Variants in BRINP2 observed in about 807,000 individuals in gnomAD.
BRINP2 encodes BMP/retinoic acid inducible neural specific 2.
Under a neutral mutation model 69.2 loss-of-function variants are expected in BRINP2, and 21 were observed. That is an observed-to-expected ratio of 0.30 (90% confidence interval 0.22 to 0.44). BRINP2 has a LOEUF of 0.44. BRINP2 is among the 20% of genes least tolerant of loss of function. The probability of loss-of-function intolerance (pLI) is 1.00; values close to 1 mark genes in which losing one functional copy is unlikely to be tolerated. For synonymous variants in BRINP2, 380 were observed against 394.1 expected (o/e 0.96, Z 0.42); for missense variants, 877 against 986.0 (o/e 0.89, Z 1.48).
rs1201165010 is a variant in BRINP2 at position 177,171,141 on chromosome 1, C to G, written c.-668C>G. Among the ~76,000 whole-genome samples, 1 of 152,226 alleles carries G rather than the reference C, an allele frequency of 6.6e-6. No individual in the cohort carries two copies. The highest frequency in any genetic ancestry group is 1.5e-5 in the Non-Finnish European group (1 of 68,036). On this transcript the variant is annotated 5_prime_UTR_variant, in exon 1 of 8. Coordinates refer to ENST00000361539, the MANE Select transcript of BRINP2 (RefSeq NM_021165.4). ...GGGGATGTGCACCTGCCGTGCGCTC[C>G]GAGGTCAGTGGCAGGTCTGCAGGCA...
intron 2 of BRINP2, among the ~76,000 whole-genome samples, chr1:177,231,970 T>G (rs2102326719): frequency 6.6e-6 from 1 of 152,266 alleles, no homozygotes; most frequent in South Asian, 2.1e-4. Context: ...TATTAAAGAA[T>G]TTTTTTCAAT....
chr1:177,256,165 TA>T, intron 3 of BRINP2, 56 bp downstream of exon 3: 1 of 1,579,140 alleles, frequency 6.3e-7, no homozygotes, highest in Non-Finnish European at 8.7e-7. Flanking sequence ...GAAATAACGT[TA>T]AGACTCGTGT....
At chr1:177,201,280 G>A (rs1194211319) in intron 1 of BRINP2, among the ~76,000 whole-genome samples, 1 of 152,218 alleles carries the variant, frequency 6.6e-6, no homozygotes, top group Non-Finnish European at 1.5e-5. Flanking sequence ...GCACAGCTAT[G>A]CCTTTAGTTT....
At chr1:177,280,153 T>C (rs1320783015) in intron 7 of BRINP2, among the ~76,000 whole-genome samples, 1 of 152,192 alleles carries the variant, frequency 6.6e-6, no homozygotes, top group African/African-American at 2.4e-5. Flanking sequence ...AAGTAGGACT[T>C]GGGAGAGATG....
In BRINP2 at chr1:177,280,493, G is replaced by T; in HGVS notation, c.1317G>T (p.Gln439His). The change falls in exon 8 of 8, where the codon CAG (glutamine) becomes CAT (histidine). Residue 439 changes from glutamine to histidine, a missense_variant. Gln to His is a conservative substitution (Grantham distance 24, BLOSUM62 0). Coordinates refer to ENST00000361539, the MANE Select transcript of BRINP2 (RefSeq NM_021165.4). ...CCTTTCCTGGCACTTTCCTGGAACA[G>T]AGCCACAGCTGCACCTGCCCCTATG... ...ESTFPGTFLEQSHSCTCPYDQ... is the reference protein window; with the variant it reads ...ESTFPGTFLEHSHSCTCPYDQ... 6.2e-7 allele frequency: 1 copy of T among 1,614,206 alleles called. No homozygotes were observed. Among genetic ancestry groups the T allele is most frequent in the South Asian group, 1.1e-5 (1 of 91,090 alleles).
chr1:177,218,847 T>C (rs532328619), intron 1 of BRINP2, among the ~76,000 whole-genome samples: 1 of 152,280 alleles, frequency 6.6e-6, no homozygotes, highest in Non-Finnish European at 1.5e-5. Flanking sequence ...TTCACCAAGG[T>C]GTTTTTGACT....
intron 2 of BRINP2, among the ~76,000 whole-genome samples, chr1:177,233,617 C>T (rs189564749): frequency 9.9e-5 from 15 of 152,280 alleles, no homozygotes; most frequent in Admixed American, 3.9e-4. Context: ...TTTTAAAGCA[C>T]GTTAACCTTT....
chr1:177,184,608 T>G (rs561061566), intron 1 of BRINP2, among the ~76,000 whole-genome samples: 1 of 152,024 alleles, frequency 6.6e-6, no homozygotes, highest in Non-Finnish European at 1.5e-5. Context: ...CCCTTTTTAA[T>G]TATAAACTAT....
intron 4 of BRINP2, among the ~76,000 whole-genome samples, chr1:177,271,111 C>T (rs1338240980): frequency 1.3e-5 from 2 of 152,210 alleles, no homozygotes; most frequent in African/African-American, 4.8e-5. Context: ...ATGTCTTATT[C>T]ATCTGCGAGT....
chr1:177,196,482 G>A (rs940184939), intron 1 of BRINP2, among the ~76,000 whole-genome samples: 1 of 152,142 alleles, frequency 6.6e-6, no homozygotes, highest in African/African-American at 2.4e-5. Context: ...GCTGAATGTG[G>A]TGGTGCATGC....
chr1:177,248,374 G>A (rs1650454315), intron 2 of BRINP2, among the ~76,000 whole-genome samples: 1 of 151,990 alleles, frequency 6.6e-6, no homozygotes, highest in African/African-American at 2.4e-5. Context: ...TTAGATTTCA[G>A]ATTTACAGAT....
At chr1:177,178,173 T>C (rs1446008839) in intron 1 of BRINP2, among the ~76,000 whole-genome samples, 1 of 152,156 alleles carries the variant, frequency 6.6e-6, no homozygotes, top group African/African-American at 2.4e-5. Context: ...CTCCAGCATC[T>C]TCCCAGGACT....
chr1:177,271,591 A>G (rs1651329315), intron 4 of BRINP2, among the ~76,000 whole-genome samples: 1 of 152,190 alleles, frequency 6.6e-6, no homozygotes, highest in African/African-American at 2.4e-5. Context: ...GATAGTAATG[A>G]GATTTGTCCC....
At chr1:177,234,567 C>T (rs890149021) in intron 2 of BRINP2, among the ~76,000 whole-genome samples, 1 of 151,844 alleles carries the variant, frequency 6.6e-6, no homozygotes, top group African/African-American at 2.4e-5. Flanking sequence ...GGACAAAATC[C>T]AAGCCACTAT....
intron 1 of BRINP2, among the ~76,000 whole-genome samples, chr1:177,195,526 A>C (rs1475801749): frequency 6.7e-6 from 1 of 150,046 alleles, no homozygotes; most frequent in Non-Finnish European, 1.5e-5. Flanking sequence ...TCAAATCACC[A>C]AGTCCTCCTA....
rs113914205 is a variant in BRINP2 at position 177,243,111 on chromosome 1, G to A, written c.270-12808G>A. Among the ~76,000 whole-genome samples, 415 of 151,658 alleles carry A rather than the reference G, an allele frequency of 2.7e-3. 3 individuals carry two copies. The highest frequency in any genetic ancestry group is 8.4e-3 in the African/African-American group (348 of 41,314). On this transcript the variant is annotated intron_variant, in intron 2 of 7. Transcript: ENST00000361539. ...ATGCTTATTCATTTTGTGAGGGGTC[G>A]CCCATTAGTAAATAAGAAAAAAAAA... is the stretch of plus-strand genomic sequence containing the variant.
chr1:177,227,194 G>T (rs887680156), intron 1 of BRINP2, among the ~76,000 whole-genome samples: 4 of 152,196 alleles, frequency 2.6e-5, no homozygotes, highest in East Asian at 1.9e-4. Context: ...AGGGTGTGGG[G>T]ATCTTGGTCA....
chr1:177,178,129 G>A (rs143361659), intron 1 of BRINP2, among the ~76,000 whole-genome samples: 9 of 152,116 alleles, frequency 5.9e-5, no homozygotes, highest in African/African-American at 1.7e-4. Context: ...CTCACCCCTC[G>A]TGCTACTGTC....
chr1:177,262,017 G>A (rs1370359073), intron 4 of BRINP2, among the ~76,000 whole-genome samples: 1 of 152,200 alleles, frequency 6.6e-6, no homozygotes, highest in Non-Finnish European at 1.5e-5. Flanking sequence ...GAGTGGTTCA[G>A]TACATGAAGA....
Sources: gnomAD v4.1 joint callset for allele counts (sites outside exome capture counted in the v4.1 genomes callset) on GRCh38, gnomAD v4.1.1 for gene constraint, MANE v1.5 for transcripts, NCBI Gene and HGNC (gene_info 2026-07-23, HGNC 2026-07-21) for gene names.